PSMD5: variants seen among roughly 807,000 people sequenced by gnomAD.
The protein encoded by PSMD5 is 26S proteasome non-ATPase regulatory subunit 5.
PSMD5 carries 40 observed loss-of-function variants against 52.1 expected under a neutral mutation model. The observed-to-expected ratio is 0.77, with a 90% CI of 0.60 to 1.00. The LOEUF is 1.00. Ranked by LOEUF, PSMD5 falls within the 50% of genes least tolerant of loss-of-function variation. The pLI is 0.00. For synonymous variants in PSMD5, 211 were observed against 226.6 expected (o/e 0.93, Z 0.62); for missense variants, 575 against 605.2 (o/e 0.95, Z 0.52).
At chr9:120,828,761 T>C (rs2045140737) in intron 5 of PSMD5, among the ~76,000 whole-genome samples, 1 of 152,206 alleles carries the variant, frequency 6.6e-6, no homozygotes. Context: ...ATAGTGTTGC[T>C]ATTTAACAAT....
intron 4 of PSMD5, 97 bp from the exon 5 acceptor site, chr9:120,829,305 T>C: frequency 7.8e-7 from 1 of 1,283,442 alleles, no homozygotes; most frequent in Non-Finnish European, 1.0e-6. Flanking sequence ...CTAGGTACTT[T>C]TTATAAATGA....
At chr9:120,842,671 A>T (rs2045248559) in intron 1 of PSMD5, 66 bp downstream of exon 1, 1 of 1,579,446 alleles carries the variant, frequency 6.3e-7, no homozygotes. Context: ...TCTTGCCCTC[A>T]ACCACTCTCA....
intron 9 of PSMD5, among the ~76,000 whole-genome samples, chr9:120,818,619 T>C (rs1263808466): frequency 1.3e-5 from 2 of 152,192 alleles, no homozygotes; most frequent in African/African-American, 4.8e-5. Flanking sequence ...AGAATGTTCA[T>C]TGTGGTATCA....
chr9:120,830,215 G>C (rs1157923342), intron 4 of PSMD5, among the ~76,000 whole-genome samples: 1 of 152,218 alleles, frequency 6.6e-6, no homozygotes, highest in Non-Finnish European at 1.5e-5. Flanking sequence ...CAGACTGTGA[G>C]ACACAGCCAG....
intron 2 of PSMD5, 46 bp from the exon 3 acceptor site, chr9:120,831,991 T>A: frequency 6.3e-7 from 1 of 1,593,928 alleles, no homozygotes; most frequent in Non-Finnish European, 8.5e-7. Context: ...TAGGGCAACA[T>A]ACGGTAAACA....
chr9:120,838,239 C>T (rs191848625), intron 1 of PSMD5, among the ~76,000 whole-genome samples: 26 of 152,230 alleles, frequency 1.7e-4, no homozygotes, highest in African/African-American at 3.1e-4. Flanking sequence ...CCAACTTGTA[C>T]GTTTTATTAA....
chr9:120,830,483 G>A (rs572970978), intron 4 of PSMD5, among the ~76,000 whole-genome samples: 1 of 152,286 alleles, frequency 6.6e-6, no homozygotes, highest in South Asian at 2.1e-4. Flanking sequence ...GCAGGGCTTG[G>A]AACTCTGTTT....
chr9:120,840,689 G>C (rs1218888535), intron 1 of PSMD5, among the ~76,000 whole-genome samples: 2 of 146,626 alleles, frequency 1.4e-5, no homozygotes, highest in South Asian at 4.4e-4. Flanking sequence ...GAGCGATCTC[G>C]TCTCACCGCA....
chr9:120,838,049 C>A (rs560956213), intron 1 of PSMD5, among the ~76,000 whole-genome samples: 2 of 152,298 alleles, frequency 1.3e-5, no homozygotes, highest in African/African-American at 4.8e-5. Flanking sequence ...CCCTTCCCCC[C>A]ATGTCTGGCC....
intron 5 of PSMD5, 110 bp from the exon 6 acceptor site, chr9:120,827,017 G>A: frequency 8.6e-7 from 1 of 1,162,602 alleles, no homozygotes; most frequent in Non-Finnish European, 1.2e-6. Flanking sequence ...ACATTCGAAA[G>A]GTCAATAATC....
Position 120,829,045 on chromosome 9 carries a change from G to A in PSMD5, c.671+54C>T, listed in dbSNP as rs1051952703. 4.6e-5 allele frequency: 68 copies of A among 1,477,426 alleles called. No homozygotes were observed. The Middle Eastern group carries it at 7.3e-4, about 16-fold the overall frequency. The allele number at this position is 1,477,426 out of a possible 1,614,324, so 91.5% of individuals were successfully genotyped here. A position where few individuals can be genotyped will look rare whatever the true frequency, so the allele number is the denominator to read the frequency against. The stretch of plus-strand genomic sequence containing the variant: ...AGAAAATCACAGATGTCCCAAGGTT[G>A]TTTCCCAGCCCTTCAAAAGAGGATA... On this transcript the variant is annotated intron_variant, in intron 5 of 9. Transcript: ENST00000210313.
Position 120,833,460 on chromosome 9 carries a change from A to C in PSMD5, c.174-4T>G. The C allele has an allele frequency of 6.2e-7, 1 of 1,612,194 alleles. No individual in the cohort carries two copies. The highest frequency in any genetic ancestry group is 8.5e-7 in the Non-Finnish European group (1 of 1,178,732). ...TACACACAAAGTAGTCTTTTCCCTG[A>C]AGGAGACATCATAAATCTTATTAGT... On this transcript the variant is annotated splice_region_variant and splice_polypyrimidine_tract_variant and intron_variant, in intron 1 of 9. Coordinates refer to ENST00000210313, the MANE Select transcript of PSMD5 (RefSeq NM_005047.4).
At chr9:120,822,672 G>A (rs1401576927) in intron 7 of PSMD5, among the ~76,000 whole-genome samples, 1 of 152,028 alleles carries the variant, frequency 6.6e-6, no homozygotes, top group African/African-American at 2.4e-5. Context: ...GAGTAGCTGG[G>A]ATTACAGGCG....
chr9:120,839,839 G>C (rs550228289), intron 1 of PSMD5, among the ~76,000 whole-genome samples: 84 of 144,096 alleles, frequency 5.8e-4, no homozygotes, highest in Non-Finnish European at 1.1e-3. Flanking sequence ...GTCTTGGCTG[G>C]GCGCAGTGGC....
intron 7 of PSMD5, 144 bp downstream of exon 7, chr9:120,824,350 G>A: frequency 8.5e-6 from 6 of 703,270 alleles, no homozygotes; most frequent in East Asian, 2.9e-5. Flanking sequence ...TAGATTTTCA[G>A]ACATGAGTAC....
chr9:120,833,280 G>A, intron 2 of PSMD5, 32 bp downstream of exon 2: 2 of 1,606,582 alleles, frequency 1.2e-6, no homozygotes, highest in Middle Eastern at 1.7e-4. Context: ...CAGAGCAGGT[G>A]GTCAATGTCG....
chr9:120,840,280 G>A (rs993934635), intron 1 of PSMD5, among the ~76,000 whole-genome samples: 2 of 150,916 alleles, frequency 1.3e-5, no homozygotes, highest in East Asian at 4.0e-4. Context: ...CGCACGCCCA[G>A]TTAATTTTTT....
rs762545148 is a variant in PSMD5 at position 120,826,846 on chromosome 9, CAAG to C, written c.730_732del (p.Leu244del). ...ATTTGGTCAATTACTCCTTCTTGAG[CAAG>C]ATATTGTCGCCCATGATGAGTATAT... On this transcript the variant is annotated inframe_deletion, in exon 6 of 10. Transcript: ENST00000210313. The C allele has an allele frequency of 6.2e-7, 1 of 1,613,336 alleles. No individual in the cohort carries two copies. The highest frequency in any genetic ancestry group is 1.3e-5 in the African/African-American group (1 of 74,916).
chr9:120,822,449 C>T (rs555268358), intron 7 of PSMD5, among the ~76,000 whole-genome samples: 2 of 152,088 alleles, frequency 1.3e-5, no homozygotes, highest in Non-Finnish European at 2.9e-5. Flanking sequence ...GACTGTAAAA[C>T]GATTGTCATA....
Sources: gnomAD v4.1 joint callset for allele counts (sites outside exome capture counted in the v4.1 genomes callset) on GRCh38, gnomAD v4.1.1 for gene constraint, MANE v1.5 for transcripts, NCBI Gene and HGNC (gene_info 2026-07-23, HGNC 2026-07-21) for gene names.